E2F5: variants seen among roughly 807,000 people sequenced by gnomAD.
The protein encoded by E2F5 is E2F transcription factor 5.
A neutral mutation model predicts 39.1 loss-of-function variants in E2F5; 23 were observed. The observed-to-expected ratio is 0.59, with a 90% CI of 0.42 to 0.83. The LOEUF (loss-of-function observed/expected upper bound fraction) is 0.83. E2F5 is among the 40% of genes least tolerant of loss of function. The probability of loss-of-function intolerance (pLI) is 0.00; values close to 1 mark genes in which losing one functional copy is unlikely to be tolerated. For missense variants in E2F5, 365 were observed against 406.7 expected (o/e 0.90, Z 0.88); for synonymous variants, 145 against 157.8 (o/e 0.92, Z 0.61).
rs1356623741 is a variant in E2F5 at position 85,209,285 on chromosome 8, C to T, written c.759C>T (p.Ser253=). Residue 253 remains serine, a synonymous_variant, in exon 6 of 8, where the codon TCC becomes TCT. Coordinates refer to ENST00000416274, the MANE Select transcript of E2F5 (RefSeq NM_001951.4). ...VPPPDDLTQP[S]SQSLTPVTPQ... ...CACCTGATGACCTCACACAGCCTTC[C>T]TCCCAGTCCTTGACTCCAGTGACTC... 2 of 1,613,956 alleles carry T rather than the reference C, an allele frequency of 1.2e-6. No homozygotes were observed. The highest frequency in any genetic ancestry group is 4.5e-5 in the East Asian group (2 of 44,870).
intron 4 of E2F5, 80 bp downstream of exon 4, chr8:85,206,300 C>T (rs1370136289): frequency 3.0e-6 from 4 of 1,354,764 alleles, no homozygotes; most frequent in Non-Finnish European, 4.2e-6. Context: ...CCTGTGTCCT[C>T]ATCCTGTCAT....
intron 4 of E2F5, 78 bp downstream of exon 4, chr8:85,206,298 C>T (rs185921402): frequency 7.3e-7 from 1 of 1,365,662 alleles, no homozygotes; most frequent in Admixed American, 1.9e-5. Context: ...TCCCTGTGTC[C>T]TCATCCTGTC....
rs1813013013 is a variant in E2F5, at chr8:85,213,781, C to G, written c.960C>G (p.Thr320=). 1.2e-6 allele frequency: 2 copies of G among 1,612,680 alleles called. No individual in the cohort carries two copies. The highest frequency in any genetic ancestry group is 2.7e-5 in the African/African-American group (2 of 74,912). ...DVFPLLRLSP[T]PADDYNFNLD... Reference sequence around the variant, plus strand: ...TTCCTCTCTTAAGGCTTTCTCCTACCCCGGCAGATGACTACAACTTTAATT... The same window carrying G: ...TTCCTCTCTTAAGGCTTTCTCCTACGCCGGCAGATGACTACAACTTTAATT... Residue 320 remains threonine, a synonymous_variant, in exon 8 of 8, where the codon ACC becomes ACG. Coordinates refer to ENST00000416274, the MANE Select transcript of E2F5 (RefSeq NM_001951.4).
intron 1 of E2F5, among the ~76,000 whole-genome samples, chr8:85,193,150 ATTTT>A: frequency 6.6e-6 from 1 of 151,990 alleles, no homozygotes; most frequent in Admixed American, 6.6e-5. Context: ...AATGAATAGT[ATTTT>A]TTTTCAGTCA....
intron 1 of E2F5, among the ~76,000 whole-genome samples, chr8:85,183,445 A>G (rs1001041181): frequency 6.6e-6 from 1 of 152,210 alleles, no homozygotes; most frequent in Non-Finnish European, 1.5e-5. Context: ...GAAGGTATGT[A>G]TACCCCTGTG....
At chr8:85,191,782 T>C (rs1301368366) in intron 1 of E2F5, among the ~76,000 whole-genome samples, 2 of 152,214 alleles carry the variant, frequency 1.3e-5, no homozygotes, top group Non-Finnish European at 2.9e-5. Context: ...TGTTTGCCCA[T>C]GTTTCGCTGT....
At chr8:85,211,813 G>T (rs1364977003) in intron 6 of E2F5, among the ~76,000 whole-genome samples, 2 of 151,484 alleles carry the variant, frequency 1.3e-5, no homozygotes, top group Non-Finnish European at 2.9e-5. Flanking sequence ...TAATTTTTTT[G>T]TATTTTTTGT....
intron 1 of E2F5, 162 bp downstream of exon 1, chr8:85,177,816 A>G (rs1172619949): frequency 8.9e-7 from 1 of 1,124,518 alleles, no homozygotes; most frequent in African/African-American, 1.6e-5. Context: ...CGGGTCGTGG[A>G]CGCCGGGATG....
At chr8:85,186,816 G>GTA (rs887718215) in intron 1 of E2F5, among the ~76,000 whole-genome samples, 5 of 147,036 alleles carry the variant, frequency 3.4e-5, no homozygotes, top group African/African-American at 1.2e-4. Context: ...TATATAAGGT[G>GTA]TATATATATG....
chr8:85,207,603 A>C, intron 5 of E2F5, 114 bp downstream of exon 5: 1 of 761,640 alleles, frequency 1.3e-6, no homozygotes, highest in East Asian at 2.9e-5. Context: ...GAGTTAGTCA[A>C]GTTTTTATCT....
At chr8:85,212,273 G>C in intron 7 of E2F5, 69 bp downstream of exon 7, 2 of 1,173,048 alleles carry the variant, frequency 1.7e-6, no homozygotes, top group Non-Finnish European at 2.5e-6. Context: ...AGTGAAACAT[G>C]ATTTAAAAGA....
intron 2 of E2F5, 50 bp downstream of exon 2, chr8:85,202,306 C>G (rs1318016063): frequency 2.2e-6 from 3 of 1,356,898 alleles, no homozygotes; most frequent in Non-Finnish European, 3.0e-6. Flanking sequence ...CTTCTCAGTG[C>G]TCTGTAAAAT....
Position 85,214,301 on chromosome 8 carries a change from A to C in E2F5, c.*439A>C, listed in dbSNP as rs1307473167. On this transcript the variant is annotated 3_prime_UTR_variant, in exon 8 of 8. Transcript: ENST00000416274. ...AACAGACGTTCACTGCCACTTGTAA[A>C]GTGAAGGATGTAAACGAGGATATAT... The C allele has an allele frequency of 1.5e-5, 9 of 584,630 alleles. No individual in the cohort carries two copies. The highest frequency in any genetic ancestry group is 2.8e-5 in the Non-Finnish European group (9 of 322,258). 36.2% of individuals were successfully genotyped at this position (584,630 alleles called of 1,614,324 possible). A position where few individuals can be genotyped will look rare whatever the true frequency, so the allele number is the denominator to read the frequency against.
At chr8:85,189,289 A>C (rs1029494058) in intron 1 of E2F5, among the ~76,000 whole-genome samples, 23 of 152,218 alleles carry the variant, frequency 1.5e-4, no homozygotes, top group African/African-American at 5.1e-4. Flanking sequence ...CTCACAGAGA[A>C]CCACTGTCAA....
rs770166032 is a variant in E2F5 at position 85,203,217 on chromosome 8, A to T, written c.468A>T (p.Gln156His). The part of the protein sequence containing the change: ...ELDQQKLWLQ[Q>H]SIKNVMDDSI... ...ATCAGCAGAAGTTGTGGCTACAGCAAAGCATCAAAAATGTGATGGACGATT... is the reference window on the plus strand; with the variant it reads ...ATCAGCAGAAGTTGTGGCTACAGCATAGCATCAAAAATGTGATGGACGATT... The change falls in exon 3 of 8, where the codon CAA becomes CAT. Residue 156 changes from glutamine (Q) to histidine (H), a missense_variant. Coordinates refer to ENST00000416274, the MANE Select transcript of E2F5 (RefSeq NM_001951.4). 2 of 1,603,176 alleles carry T rather than the reference A, an allele frequency of 1.2e-6. No homozygotes were observed. Among genetic ancestry groups the T allele is most frequent in the Admixed American group, 3.4e-5 (2 of 58,602 alleles).
chr8:85,209,155 A>C lies in E2F5; in HGVS notation c.629A>C (p.Gln210Pro). ...ATAACTTCAAAGGGTCAGAATGGACAAAAGAAATACCAGATCAATCTAAAG... is the reference window on the plus strand; with the variant it reads ...ATAACTTCAAAGGGTCAGAATGGACCAAAGAAATACCAGATCAATCTAAAG... ...VPIPEMGQNG[Q>P]KKYQINLKSH... The change falls in exon 6 of 8, where the codon CAA becomes CCA. Residue 210 changes from glutamine (Q) to proline (P), a missense_variant. Gln to Pro is a moderately conservative substitution (Grantham distance 76). Transcript: ENST00000416274. The C allele has an allele frequency of 1.2e-6, 2 of 1,613,962 alleles. No individual in the cohort carries two copies. The highest frequency in any genetic ancestry group is 1.7e-6 in the Non-Finnish European group (2 of 1,179,828).
At chr8:85,187,649 C>T (rs1236685820) in intron 1 of E2F5, 1 of 152,070 alleles carries the variant, frequency 6.6e-6, no homozygotes, top group African/African-American at 2.4e-5. Flanking sequence ...GTATCATTTT[C>T]TGTTCTTTCA....
At position 85,213,758 on chromosome 8, in the gene E2F5, C is replaced by G; in HGVS notation, c.937C>G (p.Pro313Ala). Reference protein sequence around the residue: ...IDELMSSDVFPLLRLSPTPAD... With the variant: ...IDELMSSDVFALLRLSPTPAD... ...AATTTGTTTTTTGTTCGCAGTGTTT[C>G]CTCTCTTAAGGCTTTCTCCTACCCC... The change falls in exon 8 of 8, where the codon CCT (proline) becomes GCT (alanine). Residue 313 changes from proline to alanine, a missense_variant. Physicochemically the swap from Pro to Ala is conservative, Grantham distance 27 (BLOSUM62 -1). Coordinates refer to ENST00000416274, the MANE Select transcript of E2F5 (RefSeq NM_001951.4). 1 of 1,603,026 alleles carries G rather than the reference C, an allele frequency of 6.2e-7. No individual in the cohort carries two copies. The highest frequency in any genetic ancestry group is 8.5e-7 in the Non-Finnish European group (1 of 1,172,390).
rs548427359 is a variant in E2F5 at position 85,206,214 on chromosome 8, T to G, written c.544T>G (p.Phe182Val). 5.0e-6 allele frequency: 8 copies of G among 1,613,224 alleles called. No homozygotes were observed. The South Asian group carries it at 8.8e-5, about 18-fold the overall frequency. The change falls in exon 4 of 8, where the codon TTT becomes GTT. Residue 182 changes from phenylalanine to valine, a missense_variant. Phe to Val is a conservative substitution (Grantham distance 50). Transcript: ENST00000416274. ...AACTCATGAAGACATCTGTAATTGC[T>G]TTAATGGTAAGTACCATTAGACTTT... is the stretch of plus-strand genomic sequence containing the variant. Reference protein sequence around the residue: ...YVTHEDICNCFNGDTLLAIQA... With the variant: ...YVTHEDICNCVNGDTLLAIQA...
Sources: allele counts gnomAD v4.1 joint callset (sites outside exome capture counted in the v4.1 genomes callset), GRCh38; gene constraint gnomAD v4.1.1; transcripts MANE v1.5; gene names NCBI Gene and HGNC (gene_info 2026-07-23, HGNC 2026-07-21).